VWF: variants seen among roughly 807,000 people sequenced by gnomAD.
VWF encodes the protein von Willebrand factor.
In VWF, 176 loss-of-function variants were observed where a neutral mutation model predicts 308.6. The observed-to-expected ratio is 0.57, with a 90% CI of 0.50 to 0.65. The LOEUF is 0.65. Ranked by LOEUF, VWF falls within the 30% of genes least tolerant of loss-of-function variation. The pLI, the probability that VWF is intolerant of heterozygous loss-of-function variation, is 0.00. For missense variants in VWF, 3,146 were observed against 3,648.2 expected (o/e 0.86, Z 3.55); for synonymous variants, 1,385 against 1,443.4 (o/e 0.96, Z 0.92).
intron 3 of VWF, among the ~76,000 whole-genome samples, chr12:6,112,101 A>G (rs1817930669): frequency 6.6e-6 from 1 of 152,232 alleles, no homozygotes; most frequent in African/African-American, 2.4e-5. Context: ...AGGAGTTTAC[A>G]GATCGTGTGG....
intron 16 of VWF, among the ~76,000 whole-genome samples, chr12:6,047,549 C>T (rs1944459177): frequency 6.6e-6 from 1 of 152,206 alleles, no homozygotes; most frequent in African/African-American, 2.4e-5. Flanking sequence ...CTCCAACATA[C>T]CACTGAAATT....
chr12:5,978,576 A>C (rs1943557779), intron 42 of VWF, among the ~76,000 whole-genome samples: 1 of 152,336 alleles, frequency 6.6e-6, no homozygotes, highest in East Asian at 1.9e-4. Flanking sequence ...ATATTGCAAG[A>C]TAAAGCAAAT....
rs950810714 is a variant in VWF, at chr12:6,022,044, G to C, written c.3539-9C>G. The C allele has an allele frequency of 1.2e-6, 2 of 1,614,110 alleles. No homozygotes were observed. Among genetic ancestry groups the C allele is most frequent in the African/African-American group, 1.3e-5 (1 of 75,046 alleles). On this transcript the variant is annotated splice_polypyrimidine_tract_variant and intron_variant, in intron 26 of 51. Transcript: ENST00000261405. Reference sequence around the variant, plus strand: ...CTCATCCAGGATTTTCCCTGCAAAAGAAAGCTCTCATTAGGAACCAAAACG... The same window carrying C: ...CTCATCCAGGATTTTCCCTGCAAAACAAAGCTCTCATTAGGAACCAAAACG...
chr12:6,044,920 C>CA (rs1944432987), intron 17 of VWF, among the ~76,000 whole-genome samples: 2 of 152,152 alleles, frequency 1.3e-5, no homozygotes, highest in African/African-American at 4.8e-5. Context: ...CGCGTCAGCC[C>CA]CTGCCCAGCC....
intron 3 of VWF, among the ~76,000 whole-genome samples, chr12:6,115,853 A>AG (rs776626753): frequency 6.6e-6 from 1 of 152,180 alleles, no homozygotes; most frequent in Non-Finnish European, 1.5e-5. Flanking sequence ...AAATGTCCTC[A>AG]GGGGGAAAAC....
intron 3 of VWF, among the ~76,000 whole-genome samples, chr12:6,113,582 C>T (rs1180221851): frequency 1.3e-5 from 2 of 152,218 alleles, no homozygotes; most frequent in Non-Finnish European, 2.9e-5. Flanking sequence ...GCGTGAGCCA[C>T]CGTGCCCTGC....
intron 15 of VWF, 44 bp from the exon 16 acceptor site, chr12:6,052,827 C>CA: frequency 6.3e-7 from 1 of 1,594,498 alleles, no homozygotes; most frequent in Non-Finnish European, 8.5e-7. Flanking sequence ...GAATGTTGGA[C>CA]AGCAAGGACT....
chr12:6,048,754 T>G (rs768818547), intron 16 of VWF, among the ~76,000 whole-genome samples: 8 of 152,254 alleles, frequency 5.3e-5, no homozygotes, highest in Non-Finnish European at 1.2e-4. Flanking sequence ...TGAGCCACCT[T>G]GCCCAGCTGA....
In VWF at chr12:6,020,593, C is replaced by T. The variant is rs150816823; in HGVS notation, c.3675-850G>A. 0.064 allele frequency among the ~76,000 whole-genome samples: 9,744 copies of T among 152,294 alleles called. 1,011 individuals are homozygous for T. The highest frequency in any genetic ancestry group is 0.22 in the African/African-American group (9,034 of 41,532). On this transcript the variant is annotated intron_variant, in intron 27 of 51. Coordinates refer to ENST00000261405, the MANE Select transcript of VWF (RefSeq NM_000552.5). The surrounding 1 kb of genome is among the most constrained non-coding windows in gnomAD (Gnocchi z 4.3). ...TAACATCACCTTTTTGCCAGTGTCC[C>T]GGAAAGTGGCACGGCCTGCCAGCCC...
chr12:6,108,195 G>A (rs1349414012), intron 5 of VWF, among the ~76,000 whole-genome samples: 1 of 151,620 alleles, frequency 6.6e-6, no homozygotes, highest in African/African-American at 2.4e-5. Context: ...TCAGGAGGCT[G>A]AGGTAGAAGA....
intron 4 of VWF, 130 bp from the exon 5 acceptor site, chr12:6,110,712 G>T: frequency 7.7e-7 from 1 of 1,291,644 alleles, no homozygotes; most frequent in Non-Finnish European, 1.1e-6. Context: ...ACCTAGATCA[G>T]CAATCGGGAG....
intron 45 of VWF, among the ~76,000 whole-genome samples, chr12:5,968,385 G>A (rs552917469): frequency 1.5e-4 from 23 of 152,214 alleles, no homozygotes; most frequent in Admixed American, 3.3e-4. Context: ...GAAGAGCCCC[G>A]TACGTTCTCC....
Position 5,948,883 on chromosome 12 carries a change from A to T in VWF, c.*132T>A. 8.9e-7 allele frequency: 1 copy of T among 1,127,060 alleles called. No individual in the cohort carries two copies. The highest frequency in any genetic ancestry group is 1.3e-6 in the Non-Finnish European group (1 of 771,078). 69.8% of individuals were successfully genotyped at this position (1,127,060 alleles called of 1,614,324 possible). On this transcript the variant is annotated 3_prime_UTR_variant, in exon 52 of 52. Coordinates refer to ENST00000261405, the MANE Select transcript of VWF (RefSeq NM_000552.5). This position sits in a 1 kb window ranked among gnomAD's most constrained non-coding sequence, Gnocchi z 4.4. ...ACACAGTGCACCAGCAGCCTTTTGCAAGATAAGAGCTCAGCCTTTATTGTG... is the reference window on the plus strand; with the variant it reads ...ACACAGTGCACCAGCAGCCTTTTGCTAGATAAGAGCTCAGCCTTTATTGTG...
Position 6,110,364 on chromosome 12 carries a change from A to C in VWF, c.532+10T>G. The C allele has an allele frequency of 6.2e-7, 1 of 1,613,840 alleles. No individual in the cohort carries two copies. The highest frequency in any genetic ancestry group is 8.5e-7 in the Non-Finnish European group (1 of 1,179,690). ...ACACTTTAGGGAAATGGTATCCCAG[A>C]ACATCTTACCTTCTTGGGTCATAAA... On this transcript the variant is annotated intron_variant, in intron 5 of 51. Transcript: ENST00000261405.
intron 26 of VWF, among the ~76,000 whole-genome samples, chr12:6,022,277 G>C (rs1202956087): frequency 2.6e-5 from 4 of 151,940 alleles, no homozygotes; most frequent in Admixed American, 6.6e-5. Flanking sequence ...CCAAGCCTCA[G>C]GACAAATGAA....
In VWF at chr12:6,025,459, C is replaced by G. The variant is rs114018824; in HGVS notation, c.3222+121G>C. 9.2e-3 allele frequency: 7,624 copies of G among 830,098 alleles called. 340 individuals carry two copies. In the African/African-American group the frequency reaches 0.11, roughly 12 times the overall value. 51.4% of individuals were successfully genotyped at this position (830,098 alleles called of 1,614,324 possible). ...CCAAGAAAAAAAGCCGAAGTGGTGTCTTGGTGCAGATCATGTCAAGACACG... is the reference window on the plus strand; with the variant it reads ...CCAAGAAAAAAAGCCGAAGTGGTGTGTTGGTGCAGATCATGTCAAGACACG... On this transcript the variant is annotated intron_variant, in intron 24 of 51. Transcript: ENST00000261405.
chr12:6,110,582 T>A lies in VWF; in HGVS notation c.324A>T (p.Arg108Ser). 6.2e-7 allele frequency: 1 copy of A among 1,614,134 alleles called. No individual in the cohort carries two copies. Among genetic ancestry groups the A allele is most frequent in the Non-Finnish European group, 8.5e-7 (1 of 1,180,010 alleles). The change falls in exon 5 of 52, where the codon AGA becomes AGT. Residue 108 changes from arginine to serine, a missense_variant and splice_region_variant. Arg to Ser is a moderately radical substitution (Grantham distance 110, BLOSUM62 -1). Around this residue, in one of 3 missense-constraint regions of VWF, gnomAD observed 1,304 missense variants for 1,353.0 expected, o/e 0.96. Coordinates refer to ENST00000261405, the MANE Select transcript of VWF (RefSeq NM_000552.5). ...VNGTVTQGDQ[R>S]VSMPYASKGL... ...CTTTGGAGGCATAGGGCATGGAGAC[T>A]CTGGAGGGCAAAGGCTAAGTTCAGA...
In VWF at chr12:6,121,304, T is replaced by C. The variant is rs1252366551; in HGVS notation, c.90A>G (p.Ser30=). The C allele has an allele frequency of 6.2e-7, 1 of 1,614,204 alleles. No homozygotes were observed. Among genetic ancestry groups the C allele is most frequent in the Non-Finnish European group, 8.5e-7 (1 of 1,180,038 alleles). Residue 30 remains serine, a synonymous_variant, in exon 3 of 52, where the codon TCA becomes TCG. Coordinates refer to ENST00000261405, the MANE Select transcript of VWF (RefSeq NM_000552.5). ...TLCAEGTRGR[S]STARCSLFGS... is the part of the protein sequence containing the mutation. ...CGAAAAGGCTGCATCGGGCCGTGGA[T>C]GACCTGCCGCGAGTTCCTTCTGCAC...
chr12:6,044,375 G>A lies in VWF; in HGVS notation c.2358C>T (p.Leu786=), dbSNP rs201435268. The A allele has an allele frequency of 5.6e-6, 9 of 1,614,064 alleles. No homozygotes were observed. In the East Asian group the frequency reaches 6.7e-5, roughly 12 times the overall value. ...CPADNLRAEG[L]ECTKTCQNYD... Reference sequence around the variant, plus strand: ...AGTTCTGGCACGTTTTGGTACACTCGAGCCCTTCAGCCCGCAGGTTGTCAG... The same window carrying A: ...AGTTCTGGCACGTTTTGGTACACTCAAGCCCTTCAGCCCGCAGGTTGTCAG... Residue 786 remains leucine (L), a synonymous_variant, in exon 18 of 52, where the codon CTC becomes CTT. Coordinates refer to ENST00000261405, the MANE Select transcript of VWF (RefSeq NM_000552.5).
Sources: gnomAD v4.1 joint callset for allele counts (sites outside exome capture counted in the v4.1 genomes callset) on GRCh38, gnomAD v4.1.1 for gene constraint, gnomAD v4.1.1 regional missense constraint, Gnocchi (gnomAD v3.1) non-coding constraint, MANE v1.5 for transcripts, NCBI Gene and HGNC (gene_info 2026-07-23, HGNC 2026-07-21) for gene names.